The following IL17RD variants were observed in gnomAD, a reference collection of about 807,000 sequenced individuals.
IL17RD encodes the protein interleukin-17 receptor D.
A neutral mutation model predicts 80.5 loss-of-function variants in IL17RD; 52 were observed. The observed-to-expected ratio is 0.65, with a 90% CI of 0.52 to 0.81. The LOEUF is 0.81. Ranked by LOEUF, IL17RD falls within the 40% of genes least tolerant of loss-of-function variation. IL17RD has a pLI of 0.00. For missense variants in IL17RD, 1,024 were observed against 955.1 expected, an observed-to-expected ratio of 1.07 and a Z score of -0.95; for synonymous variants, 416 against 391.8, an observed-to-expected ratio of 1.06 and a Z score of -0.73.
chr3:57,121,230 A>G (rs1707330904), intron 1 of IL17RD, among the ~76,000 whole-genome samples: 1 of 152,232 alleles, frequency 6.6e-6, no homozygotes, highest in South Asian at 2.1e-4. Context: ...AACAAGAAGG[A>G]TGTTGGAGGG....
At chr3:57,132,113 G>A (rs190996865) in intron 1 of IL17RD, among the ~76,000 whole-genome samples, 37 of 150,664 alleles carry the variant, frequency 2.5e-4, no homozygotes, top group African/African-American at 8.3e-4. Context: ...TTGAGCCAAG[G>A]AGGTTGTGAC....
chr3:57,134,643 C>A, intron 1 of IL17RD: 1 of 774,532 alleles, frequency 1.3e-6, no homozygotes, highest in Non-Finnish European at 2.4e-6. Flanking sequence ...CAAGGAAGCA[C>A]GCAAGCACCA....
rs1706759121 is a variant in IL17RD, at chr3:57,098,688, C to T, written c.1165-150G>A. 7 of 628,546 alleles carry T rather than the reference C, an allele frequency of 1.1e-5. No individual in the cohort carries two copies. The South Asian group carries it at 1.2e-4, about 11-fold the overall frequency. The allele number at this position is 628,546 out of a possible 1,614,324, so 38.9% of individuals were successfully genotyped here. A position where few individuals can be genotyped will look rare whatever the true frequency, so the allele number is the denominator to read the frequency against. Reference sequence around the variant, plus strand: ...GCTATGTGCAGGCTCCAGGTTACACCATACCAAGGAACAGCTAAAGTTCCG... The same window carrying T: ...GCTATGTGCAGGCTCCAGGTTACACTATACCAAGGAACAGCTAAAGTTCCG... On this transcript the variant is annotated intron_variant, in intron 11 of 12. Coordinates refer to ENST00000296318, the MANE Select transcript of IL17RD (RefSeq NM_017563.5).
At position 57,102,819 on chromosome 3, in the gene IL17RD, G is replaced by A. The variant is rs879595140; in HGVS notation, c.869-230C>T. Among the ~76,000 whole-genome samples the A allele has an allele frequency of 2.6e-5, 4 of 152,212 alleles. No homozygotes were observed. The East Asian group carries it at 5.8e-4, about 22-fold the overall frequency. ...AGGCTGGGACATAAAATACCTTTGA[G>A]TGAGAATTTTGCCTAAGGAAATCTC... On this transcript the variant is annotated intron_variant, in intron 9 of 12. Coordinates refer to ENST00000296318, the MANE Select transcript of IL17RD (RefSeq NM_017563.5).
intron 1 of IL17RD, among the ~76,000 whole-genome samples, chr3:57,127,371 T>TATATAAATATATATAATATATATAA (rs1707511451): frequency 1.1e-5 from 1 of 91,750 alleles, no homozygotes; most frequent in African/African-American, 5.3e-5. Flanking sequence ...TATAAATATA[T>TATATAAATATATATAATATATATAA]ATATATAAAT....
chr3:57,166,421 A>C (rs1229323466), upstream of IL17RD, among the ~76,000 whole-genome samples: 1 of 152,164 alleles, frequency 6.6e-6, no homozygotes, highest in Non-Finnish European at 1.5e-5. Context: ...GGATCGCTTG[A>C]GTTCAGGAGT....
At chr3:57,164,314 C>G (rs1337065273) in intron 1 of IL17RD, among the ~76,000 whole-genome samples, 1 of 152,134 alleles carries the variant, frequency 6.6e-6, no homozygotes, top group African/African-American at 2.4e-5. Flanking sequence ...GGCCAGAAGC[C>G]CAGGTAGGGA....
chr3:57,096,829 G>T (rs1706688782), intron 12 of IL17RD, among the ~76,000 whole-genome samples: 2 of 152,080 alleles, frequency 1.3e-5, no homozygotes, highest in African/African-American at 2.4e-5. Context: ...GGCCAACATG[G>T]TGAAACCCAA....
At chr3:57,140,839 T>G (rs746969838) in intron 1 of IL17RD, among the ~76,000 whole-genome samples, 8 of 152,108 alleles carry the variant, frequency 5.3e-5, no homozygotes, top group Non-Finnish European at 8.8e-5. Context: ...GGTTCAATGC[T>G]TATCACTAAT....
intron 1 of IL17RD, among the ~76,000 whole-genome samples, chr3:57,129,678 G>C (rs1443421848): frequency 6.6e-6 from 1 of 152,168 alleles, no homozygotes; most frequent in Non-Finnish European, 1.5e-5. Context: ...CGCATATTTG[G>C]AAATTATGGA....
intron 1 of IL17RD, among the ~76,000 whole-genome samples, chr3:57,155,553 T>C (rs2060261585): frequency 6.6e-6 from 1 of 152,250 alleles, no homozygotes; most frequent in South Asian, 2.1e-4. Flanking sequence ...CAGCACTAAC[T>C]GCCACATGAT....
chr3:57,170,048 C>T (rs1214792621), upstream of IL17RD, among the ~76,000 whole-genome samples: 1 of 152,208 alleles, frequency 6.6e-6, no homozygotes, highest in African/African-American at 2.4e-5. Context: ...CCAGACTCAG[C>T]TGATTCCTCC....
intron 12 of IL17RD, among the ~76,000 whole-genome samples, chr3:57,097,100 C>T (rs2107460399): frequency 6.6e-6 from 1 of 152,146 alleles, no homozygotes; most frequent in South Asian, 2.1e-4. Context: ...ACCTGATGCT[C>T]CCTGCAGAAG....
At chr3:57,102,411 CTCTT>C in intron 10 of IL17RD, 64 bp downstream of exon 10, 1 of 801,104 alleles carries the variant, frequency 1.2e-6, no homozygotes. Flanking sequence ...CTCCCAGTCT[CTCTT>C]TCTCTTGGCA....
At chr3:57,160,270 T>G (rs1297162303) in intron 1 of IL17RD, among the ~76,000 whole-genome samples, 1 of 151,812 alleles carries the variant, frequency 6.6e-6, no homozygotes, top group Non-Finnish European at 1.5e-5. Context: ...ATATAAAAAG[T>G]TCAGGGACAG....
rs147658158 is a variant in IL17RD, at chr3:57,109,986, G to C, written c.429+207C>G. Among the ~76,000 whole-genome samples the C allele has an allele frequency of 1.7e-3, 260 of 152,346 alleles. 2 individuals are homozygous for C. Among genetic ancestry groups the C allele is most frequent in the African/African-American group, 6.1e-3 (255 of 41,580 alleles). On this transcript the variant is annotated intron_variant, in intron 4 of 12. Transcript: ENST00000296318. ...AGGATCACTGCTCCAGCAGTAACCC[G>C]AGAGGCATGTTTACACAGGGAGGTG...
intron 9 of IL17RD, 78 bp downstream of exon 9, chr3:57,103,013 A>G: frequency 2.0e-6 from 2 of 1,015,990 alleles, no homozygotes; most frequent in Non-Finnish European, 2.9e-6. Context: ...TGTTTCTGTA[A>G]ATCATGAAGT....
chr3:57,148,087 T>C, intron 1 of IL17RD, among the ~76,000 whole-genome samples: 1 of 1,046 alleles, frequency 9.6e-4, no homozygotes, highest in Non-Finnish European at 2.5e-3. Flanking sequence ...GAGGCCAAGG[T>C]TGGGGGGGGG....
In IL17RD at chr3:57,090,314, T is replaced by G. The variant is rs965624278; in HGVS notation, c.*6079A>C. 5 of 152,510 alleles carry G rather than the reference T, an allele frequency of 3.3e-5. No individual in the cohort carries two copies. Among genetic ancestry groups the G allele is most frequent in the African/African-American group, 9.6e-5 (4 of 41,586 alleles). 9.4% of individuals were successfully genotyped at this position (152,510 alleles called of 1,614,324 possible). ...AATTAACAGTAAAAATAGGAGTTACTTACTATCTAGATGAACACAATTGGT... is the reference window on the plus strand; with the variant it reads ...AATTAACAGTAAAAATAGGAGTTACGTACTATCTAGATGAACACAATTGGT... On this transcript the variant is annotated 3_prime_UTR_variant, in exon 13 of 13. Coordinates refer to ENST00000296318, the MANE Select transcript of IL17RD (RefSeq NM_017563.5).
Sources: allele counts gnomAD v4.1 joint callset (sites outside exome capture counted in the v4.1 genomes callset), GRCh38; gene constraint gnomAD v4.1.1; transcripts MANE v1.5; gene names NCBI Gene and HGNC (gene_info 2026-07-23, HGNC 2026-07-21).